The following KCNU1 variants were observed in gnomAD, a reference collection of about 807,000 sequenced individuals.
KCNU1 encodes potassium channel subfamily U member 1.
Under a neutral mutation model 126.8 loss-of-function variants are expected in KCNU1, and 93 were observed. That is an observed-to-expected ratio of 0.73 (90% CI 0.62 to 0.87). The LOEUF (loss-of-function observed/expected upper bound fraction) is 0.87, where lower values mean the gene tolerates loss of function less well. Ranked by LOEUF, KCNU1 falls within the 40% of genes least tolerant of loss-of-function variation. KCNU1 has a pLI of 0.00. For missense variants in KCNU1, 1,330 were observed against 1,367.1 expected, an observed-to-expected ratio of 0.97 and a Z score of 0.43; for synonymous variants, 523 against 494.2, an observed-to-expected ratio of 1.06 and a Z score of -0.77.
intron 19 of KCNU1, among the ~76,000 whole-genome samples, chr8:36,898,793 G>A (rs1220771803): frequency 1.3e-5 from 2 of 152,014 alleles, no homozygotes; most frequent in Non-Finnish European, 2.9e-5. Flanking sequence ...GTGTTGGAGA[G>A]TGTGGGAAAG....
intron 6 of KCNU1, 137 bp downstream of exon 6, chr8:36,807,587 T>C (rs1385089924): frequency 3.1e-5 from 21 of 680,518 alleles, no homozygotes; most frequent in Non-Finnish European, 4.7e-5. Flanking sequence ...GCTGCCAAAA[T>C]ATTATTTGTT....
rs528987378 is a variant in KCNU1 at position 36,879,445 on chromosome 8, G to A, written c.2009+14924G>A. Among the ~76,000 whole-genome samples, 6 of 151,896 alleles carry A rather than the reference G, an allele frequency of 4.0e-5. No homozygotes were observed. In the South Asian group the frequency reaches 1.2e-3, roughly 32 times the overall value. ...AAAAATTAGCTATCAATTAATTGCA[G>A]AATTGATTGAATAAATTAATGCAGA... On this transcript the variant is annotated intron_variant, in intron 19 of 26. Transcript: ENST00000399881.
intron 6 of KCNU1, among the ~76,000 whole-genome samples, chr8:36,807,892 C>T (rs1442668657): frequency 2.0e-5 from 3 of 152,218 alleles, no homozygotes; most frequent in African/African-American, 7.2e-5. Context: ...CAGCAGCAAG[C>T]AGTGAACTAT....
intron 19 of KCNU1, among the ~76,000 whole-genome samples, chr8:36,878,134 CTT>C (rs1034045137): frequency 1.9e-4 from 29 of 152,188 alleles, no homozygotes; most frequent in African/African-American, 7.0e-4. Flanking sequence ...AAATATGTCT[CTT>C]ATGTGGTATT....
Position 36,930,997 on chromosome 8 carries a change from C to T in KCNU1, c.2783C>T (p.Thr928Ile). The change falls in exon 25 of 27, where the codon ACA becomes ATA. Residue 928 changes from threonine to isoleucine, a missense_variant. By Grantham distance (89) the Thr-to-Ile change is moderately conservative. Coordinates refer to ENST00000399881, the MANE Select transcript of KCNU1 (RefSeq NM_001031836.3). Reference protein sequence around the residue: ...HVLELLQMLVTGGVSSQLEQH... With the variant: ...HVLELLQMLVIGGVSSQLEQH... Reference sequence around the variant, plus strand: ...CTGGAATTGCTTCAGATGCTGGTGACAGGAGGAGTAAGTTCTCAGCTGGAA... The same window carrying T: ...CTGGAATTGCTTCAGATGCTGGTGATAGGAGGAGTAAGTTCTCAGCTGGAA... 1 of 1,609,126 alleles carries T rather than the reference C, an allele frequency of 6.2e-7. No homozygotes were observed. The highest frequency in any genetic ancestry group is 8.5e-7 in the Non-Finnish European group (1 of 1,177,668).
chr8:36,920,409 G>C (rs947629162), intron 23 of KCNU1, among the ~76,000 whole-genome samples: 3 of 152,170 alleles, frequency 2.0e-5, no homozygotes, highest in Non-Finnish European at 2.9e-5. Flanking sequence ...AGTTAGAGTG[G>C]TTGCGAAGAA....
At chr8:36,909,186 A>T (rs1489063927) in intron 20 of KCNU1, 125 bp from the exon 21 acceptor site, 4 of 667,188 alleles carry the variant, frequency 6.0e-6, no homozygotes, top group Non-Finnish European at 1.1e-5. Flanking sequence ...GCAAAATTCT[A>T]TTCACCTTAT....
chr8:36,817,800 C>A (rs754438364), intron 10 of KCNU1, 40 bp downstream of exon 10: 1 of 959,898 alleles, frequency 1.0e-6, no homozygotes, highest in Admixed American at 1.8e-5. Context: ...TAAATTAATA[C>A]TTAAAATACG....
chr8:36,831,812 T>C (rs1294321609), intron 10 of KCNU1, among the ~76,000 whole-genome samples: 2 of 149,976 alleles, frequency 1.3e-5, no homozygotes, highest in Non-Finnish European at 3.0e-5. Flanking sequence ...GCTTTTGGTG[T>C]TTTAGACATG....
intron 19 of KCNU1, among the ~76,000 whole-genome samples, chr8:36,893,741 A>G (rs1176155514): frequency 6.6e-6 from 1 of 152,090 alleles, no homozygotes; most frequent in Non-Finnish European, 1.5e-5. Flanking sequence ...TATTGTTTCA[A>G]GTCTCCAGTT....
chr8:36,888,993 C>G (rs1238843542), intron 19 of KCNU1: 6 of 405,904 alleles, frequency 1.5e-5, no homozygotes, highest in Middle Eastern at 4.1e-4. Flanking sequence ...ATTCTCCTGC[C>G]TCAGTCTCTT....
In KCNU1 at chr8:36,833,637, G is replaced by T. The variant is rs577197846; in HGVS notation, c.1190G>T (p.Trp397Leu). The T allele has an allele frequency of 7.5e-6, 12 of 1,609,770 alleles. No homozygotes were observed. Among genetic ancestry groups the T allele is most frequent in the African/African-American group, 4.0e-5 (3 of 74,776 alleles). Residue 397 changes from tryptophan to leucine, a missense_variant, in exon 11 of 27, where the codon TGG (tryptophan) becomes TTG (leucine). Trp to Leu is a moderately conservative substitution (Grantham distance 61). This residue lies in a region of KCNU1 where 1,054 missense variants were observed against 1,053.9 expected (regional missense o/e 1.00). Coordinates refer to ENST00000399881, the MANE Select transcript of KCNU1 (RefSeq NM_001031836.3). The part of the protein sequence containing the change: ...TTFISGSAMK[W>L]EDLRRVAVES... ...TTCATTTCTGGATCTGCAATGAAGT[G>T]GGAGGATCTGAGGCGAGTTGCGGTA...
At chr8:36,812,727 T>A (rs918120298) in intron 7 of KCNU1, among the ~76,000 whole-genome samples, 6 of 152,178 alleles carry the variant, frequency 3.9e-5, no homozygotes, top group African/African-American at 1.4e-4. Flanking sequence ...GTAACATGGT[T>A]AAGAGGAAGA....
At chr8:36,862,096 A>G (rs1805751383) in intron 18 of KCNU1, among the ~76,000 whole-genome samples, 1 of 152,178 alleles carries the variant, frequency 6.6e-6, no homozygotes, top group African/African-American at 2.4e-5. Context: ...CAAGACATTA[A>G]CAGTCTAGCT....
chr8:36,927,146 T>C (rs574156921), intron 24 of KCNU1, among the ~76,000 whole-genome samples: 1 of 152,300 alleles, frequency 6.6e-6, no homozygotes, highest in East Asian at 1.9e-4. Context: ...TTGTCACTGC[T>C]TAGAAATACT....
chr8:36,879,329 A>C lies in KCNU1; in HGVS notation c.2009+14808A>C, dbSNP rs547237651. The stretch of plus-strand genomic sequence containing the variant: ...ATATGCTGTAATTTTATATAAAATT[A>C]CATGTTTGCCATACCTACTAGGTAC... On this transcript the variant is annotated intron_variant, in intron 19 of 26. Coordinates refer to ENST00000399881, the MANE Select transcript of KCNU1 (RefSeq NM_001031836.3). Among the ~76,000 whole-genome samples, 17 of 151,276 alleles carry C rather than the reference A, an allele frequency of 1.1e-4. 4 individuals carry two copies. The highest frequency in any genetic ancestry group is 4.1e-4 in the African/African-American group (17 of 41,302).
rs747222549 is a variant in KCNU1 at position 36,841,021 on chromosome 8, C to G, written c.1703+18C>G. 9.6e-7 allele frequency: 1 copy of G among 1,037,508 alleles called. No homozygotes were observed. The highest frequency in any genetic ancestry group is 1.5e-6 in the Non-Finnish European group (1 of 667,992). The allele number at this position is 1,037,508 out of a possible 1,614,324, so 64.3% of individuals were successfully genotyped here. On this transcript the variant is annotated intron_variant, in intron 16 of 26. Transcript: ENST00000399881. ...GGTTTCTGGTACCAATAAGTCTGCT[C>G]ATCTCTTCAGTTGTTTTTTTTTTTT...
Position 36,918,806 on chromosome 8 carries a change from T to G in KCNU1, c.2522-17T>G. On this transcript the variant is annotated splice_polypyrimidine_tract_variant and intron_variant, in intron 22 of 26. Coordinates refer to ENST00000399881, the MANE Select transcript of KCNU1 (RefSeq NM_001031836.3). ...AGGCATTGTGTTTGCATTTATCACC[T>G]CTTTTCTTCTTTGCAGAGGAGACTC... 6.6e-7 allele frequency: 1 copy of G among 1,518,952 alleles called. No individual in the cohort carries two copies. Among genetic ancestry groups the G allele is most frequent in the East Asian group, 2.3e-5 (1 of 44,346 alleles). The allele number at this position is 1,518,952 out of a possible 1,614,324, so 94.1% of individuals were successfully genotyped here.
intron 10 of KCNU1, among the ~76,000 whole-genome samples, chr8:36,822,485 C>G (rs1425032357): frequency 6.6e-6 from 1 of 152,062 alleles, no homozygotes; most frequent in Non-Finnish European, 1.5e-5. Context: ...AAAATAATAA[C>G]TTGTTATTTA....
Sources: gnomAD v4.1 joint callset for allele counts (sites outside exome capture counted in the v4.1 genomes callset) on GRCh38, gnomAD v4.1.1 for gene constraint, gnomAD v4.1.1 regional missense constraint, MANE v1.5 for transcripts, NCBI Gene and HGNC (gene_info 2026-07-23, HGNC 2026-07-21) for gene names.